Variants in KREMEN1 observed in about 807,000 individuals in gnomAD.
KREMEN1 encodes the protein kremen protein 1.
KREMEN1 carries 30 observed loss-of-function variants against 46.5 expected under a neutral mutation model. The observed-to-expected ratio is 0.65, with a 90% CI of 0.48 to 0.88. KREMEN1 has a LOEUF of 0.88. Ranked by LOEUF, KREMEN1 falls within the 40% of genes least tolerant of loss-of-function variation. The pLI is 0.00. For synonymous variants in KREMEN1, 214 were observed against 230.6 expected, an observed-to-expected ratio of 0.93 and a Z score of 0.65; for missense variants, 533 against 596.9, an observed-to-expected ratio of 0.89 and a Z score of 1.11.
rs946833141 is a variant in KREMEN1 at position 29,145,765 on chromosome 22, G to A, written c.*3653G>A. The A allele has an allele frequency of 2.0e-6, 2 of 985,440 alleles. No homozygotes were observed. Among genetic ancestry groups the A allele is most frequent in the African/African-American group, 3.5e-5 (2 of 57,256 alleles). The allele number at this position is 985,440 out of a possible 1,614,324, so 61.0% of individuals were successfully genotyped here. On this transcript the variant is annotated 3_prime_UTR_variant, in exon 9 of 9. Transcript: ENST00000400335. ...CTCTGGGCGTGAGCGAGGAAACCAG[G>A]CTGCTCTAACTTCTGAAGAGTGGGC... is the stretch of plus-strand genomic sequence containing the variant.
intron 1 of KREMEN1, among the ~76,000 whole-genome samples, chr22:29,084,737 T>TA (rs1384707870): frequency 6.6e-6 from 1 of 152,236 alleles, no homozygotes; most frequent in Non-Finnish European, 1.5e-5. Context: ...GCTTACCCTG[T>TA]AAGTTCAGTT....
intron 3 of KREMEN1, among the ~76,000 whole-genome samples, chr22:29,115,258 C>T (rs899515341): frequency 6.6e-6 from 1 of 152,174 alleles, no homozygotes; most frequent in Non-Finnish European, 1.5e-5. Flanking sequence ...GTAAGAATGA[C>T]ACAGTGGACT....
rs146078397 is a variant in KREMEN1 at position 29,138,671 on chromosome 22, G to A, written c.1012G>A (p.Val338Met). 8 of 1,614,110 alleles carry A rather than the reference G, an allele frequency of 5.0e-6. No homozygotes were observed. Among genetic ancestry groups the A allele is most frequent in the Non-Finnish European group, 8.5e-7 (1 of 1,180,058 alleles). ...PQERPAVNQT[V>M]AEVITEQANL... ...GGAGAGGCCCGCTGTCAACCAGACGGTGGCCGAGGTGATCACGGAGCAGGC... is the reference window on the plus strand; with the variant it reads ...GGAGAGGCCCGCTGTCAACCAGACGATGGCCGAGGTGATCACGGAGCAGGC... The change falls in exon 7 of 9, where the codon GTG becomes ATG. Residue 338 changes from valine (V) to methionine (M), a missense_variant. By Grantham distance (21) the Val-to-Met change is conservative. Transcript: ENST00000400335.
At chr22:29,135,603 G>A (rs1271834852) in intron 5 of KREMEN1, among the ~76,000 whole-genome samples, 2 of 152,226 alleles carry the variant, frequency 1.3e-5, no homozygotes, top group African/African-American at 4.8e-5. Context: ...AGTCACTTGT[G>A]AAAGCACTGA....
chr22:29,128,974 A>T (rs1043242458), intron 5 of KREMEN1, among the ~76,000 whole-genome samples: 3 of 152,190 alleles, frequency 2.0e-5, no homozygotes, highest in African/African-American at 7.2e-5. Flanking sequence ...TTATTCCCAC[A>T]TTGGCCCCTT....
At chr22:29,152,706 T>C (rs1012454243) in intron 9 of KREMEN1, among the ~76,000 whole-genome samples, 8 of 150,416 alleles carry the variant, frequency 5.3e-5, no homozygotes, top group Non-Finnish European at 8.9e-5. Context: ...CAACCTTTCC[T>C]TTTTTTCCTC....
downstream of KREMEN1, among the ~76,000 whole-genome samples, chr22:29,147,138 C>T (rs866646797): frequency 8.5e-5 from 13 of 152,194 alleles, no homozygotes; most frequent in Admixed American, 3.3e-4. Flanking sequence ...TCCAGTCCCT[C>T]GACTACTCAG....
chr22:29,094,906 G>A (rs2037862014), intron 2 of KREMEN1, among the ~76,000 whole-genome samples: 1 of 152,154 alleles, frequency 6.6e-6, no homozygotes, highest in Admixed American at 6.5e-5. Context: ...TTACAGGCGT[G>A]AGCCACCGCG....
rs1016275160 is a variant in KREMEN1 at position 29,127,168 on chromosome 22, ACC to A, written c.631+1754_631+1755del. ...AATTATCACATTCGGTTCTCTTGGC[ACC>A]CTTCTGAAGTAGGGGTTATTGTGAT... On this transcript the variant is annotated intron_variant, in intron 5 of 8. Transcript: ENST00000400335. 3.2e-4 allele frequency among the ~76,000 whole-genome samples: 48 copies of A among 152,222 alleles called. 1 individual carries two copies. Among genetic ancestry groups the A allele is most frequent in the Admixed American group, 3.1e-3 (47 of 15,288 alleles).
chr22:29,152,200 C>T (rs2038919861), intron 9 of KREMEN1, among the ~76,000 whole-genome samples: 1 of 152,124 alleles, frequency 6.6e-6, no homozygotes, highest in South Asian at 2.1e-4. Context: ...GCTCCATCCT[C>T]CTGCAGTCTT....
At chr22:29,110,630 A>G (rs2145792097) in intron 3 of KREMEN1, among the ~76,000 whole-genome samples, 1 of 152,322 alleles carries the variant, frequency 6.6e-6, no homozygotes, top group African/African-American at 2.4e-5. Context: ...GAGGAAGAAA[A>G]AGCTGTGCTT....
intron 9 of KREMEN1, among the ~76,000 whole-genome samples, chr22:29,155,077 G>T (rs1412170438): frequency 6.6e-6 from 1 of 150,824 alleles, no homozygotes; most frequent in African/African-American, 2.4e-5. Flanking sequence ...AATATCTTAC[G>T]TGAAAAAAGT....
intron 5 of KREMEN1, among the ~76,000 whole-genome samples, chr22:29,133,645 T>C (rs2145837793): frequency 6.9e-6 from 1 of 144,960 alleles, no homozygotes; most frequent in Middle Eastern, 3.5e-3. Context: ...GTGTCTTCTT[T>C]GTCTGTTTTT....
At position 29,137,326 on chromosome 22, in the gene KREMEN1, T is replaced by A; in HGVS notation, c.632-16T>A. The A allele has an allele frequency of 6.9e-7, 1 of 1,449,120 alleles. No homozygotes were observed. Among genetic ancestry groups the A allele is most frequent in the Non-Finnish European group, 9.1e-7 (1 of 1,092,940 alleles). The allele number at this position is 1,449,120 out of a possible 1,614,324, so 89.8% of individuals were successfully genotyped here. A position where few individuals can be genotyped will look rare whatever the true frequency, so the allele number is the denominator to read the frequency against. ...AGGCCCAGACTGAGGGCGTGGTGTC[T>A]TTTTCTCTCCTACAGCTCTCGTGGG... On this transcript the variant is annotated splice_polypyrimidine_tract_variant and intron_variant, in intron 5 of 8. Transcript: ENST00000400335.
chr22:29,141,226 C>T (rs1202371788), intron 8 of KREMEN1, among the ~76,000 whole-genome samples: 1 of 148,536 alleles, frequency 6.7e-6, no homozygotes, highest in African/African-American at 2.5e-5. Context: ...ATAATGTCCT[C>T]GTGTGTGTGT....
intron 3 of KREMEN1, 126 bp from the exon 4 acceptor site, chr22:29,121,231 T>C: frequency 1.9e-6 from 2 of 1,065,652 alleles, no homozygotes; most frequent in Non-Finnish European, 2.7e-6. Context: ...GGTTGCTTGT[T>C]GTTTATTTGT....
At chr22:29,121,789 A>G (rs140491012) in intron 4 of KREMEN1, among the ~76,000 whole-genome samples, 1 of 152,376 alleles carries the variant, frequency 6.6e-6, no homozygotes, top group African/African-American at 2.4e-5. Flanking sequence ...GACTATACCA[A>G]TAACCACTGA....
At chr22:29,093,556 A>T (rs1157423899) in intron 1 of KREMEN1, among the ~76,000 whole-genome samples, 1 of 152,210 alleles carries the variant, frequency 6.6e-6, no homozygotes, top group Non-Finnish European at 1.5e-5. Context: ...ATTTTATTAA[A>T]TTGGACCTGA....
At chr22:29,147,594 G>T (rs966635773), downstream of KREMEN1, among the ~76,000 whole-genome samples, 2 of 152,186 alleles carry the variant, frequency 1.3e-5, no homozygotes, top group African/African-American at 4.8e-5. Flanking sequence ...CCTTTGAAGG[G>T]TTTCAGCGGA....
Sources: gnomAD v4.1 joint callset for allele counts (sites outside exome capture counted in the v4.1 genomes callset) on GRCh38, gnomAD v4.1.1 for gene constraint, MANE v1.5 for transcripts, NCBI Gene and HGNC (gene_info 2026-07-23, HGNC 2026-07-21) for gene names.